The following ATP10B variants were observed in gnomAD, a reference collection of about 807,000 sequenced individuals.
ATP10B encodes ATPase phospholipid transporting 10B (putative).
A neutral mutation model predicts 141.2 loss-of-function variants in ATP10B; 122 were observed. The observed-to-expected ratio is 0.86, with a 90% confidence interval of 0.75 to 1.00. The LOEUF is 1.00. Ranked by LOEUF, ATP10B falls within the 50% of genes least tolerant of loss-of-function variation. The pLI is 0.00. For synonymous variants in ATP10B, 685 were observed against 692.0 expected, an observed-to-expected ratio of 0.99 and a Z score of 0.16; for missense variants, 1,876 against 1,825.3, an observed-to-expected ratio of 1.03 and a Z score of -0.51.
chr5:160,630,960 A>G (rs1262048024), intron 13 of ATP10B, among the ~76,000 whole-genome samples: 1 of 152,224 alleles, frequency 6.6e-6, no homozygotes, highest in African/African-American at 2.4e-5. Context: ...AAGTAGCAAT[A>G]TGGAAAATGT....
chr5:160,602,592 G>A lies in ATP10B; in HGVS notation c.3348C>T (p.Tyr1116=), dbSNP rs373796741. Residue 1116 remains tyrosine, a synonymous_variant, in exon 21 of 26, where the codon TAC becomes TAT. Transcript: ENST00000327245. The part of the protein sequence containing the change: ...YSRLARMVVY[Y]LYKNVCYVNL... The stretch of plus-strand genomic sequence containing the variant: ...GGCTACTTACCACGTTCTTGTAGAG[G>A]TAGTACACCACCATCCTGGCCAGGC... 12 of 1,613,970 alleles carry A rather than the reference G, an allele frequency of 7.4e-6. No individual in the cohort carries two copies. The African/African-American group carries it at 1.6e-4, about 22-fold the overall frequency.
chr5:160,725,569 G>T (rs915553215), intron 2 of ATP10B, among the ~76,000 whole-genome samples: 2 of 151,668 alleles, frequency 1.3e-5, no homozygotes, highest in African/African-American at 4.8e-5. Context: ...CCTCAGCCTC[G>T]CAAGTAGCTG....
At chr5:160,650,210 A>G (rs1333122869) in intron 7 of ATP10B, among the ~76,000 whole-genome samples, 1 of 151,782 alleles carries the variant, frequency 6.6e-6, no homozygotes, top group African/African-American at 2.4e-5. Flanking sequence ...ACATACACAC[A>G]TATGTACATA....
chr5:160,584,226 A>G (rs1052440531), intron 24 of ATP10B, among the ~76,000 whole-genome samples: 1 of 152,166 alleles, frequency 6.6e-6, no homozygotes, highest in Admixed American at 6.5e-5. Flanking sequence ...AAAGTGTAGT[A>G]TCTGGGCCAG....
At chr5:160,609,314 A>G (rs1757578219) in intron 18 of ATP10B, among the ~76,000 whole-genome samples, 1 of 152,180 alleles carries the variant, frequency 6.6e-6, no homozygotes, top group East Asian at 1.9e-4. Context: ...CTGAAGGGCC[A>G]GGGTTGGGGA....
chr5:160,622,322 C>T (rs1581214971), intron 14 of ATP10B, 72 bp downstream of exon 14: 2 of 1,450,568 alleles, frequency 1.4e-6, no homozygotes, highest in East Asian at 5.0e-5. Context: ...AGAACTTCTC[C>T]CCTCGCCCCT....
At chr5:160,674,555 T>G (rs1299669405) in intron 6 of ATP10B, among the ~76,000 whole-genome samples, 3 of 152,182 alleles carry the variant, frequency 2.0e-5, no homozygotes, top group Non-Finnish European at 1.5e-5. Flanking sequence ...TGCCTGTCTT[T>G]TCTTTAGACA....
intron 22 of ATP10B, among the ~76,000 whole-genome samples, chr5:160,596,188 T>G (rs1010194251): frequency 4.6e-5 from 7 of 152,170 alleles, no homozygotes; most frequent in African/African-American, 1.7e-4. Flanking sequence ...AAAAAACTTA[T>G]CCACCATGAT....
chr5:160,778,276 G>A (rs1231343907), intron 2 of ATP10B, among the ~76,000 whole-genome samples: 1 of 152,166 alleles, frequency 6.6e-6, no homozygotes, highest in African/African-American at 2.4e-5. Flanking sequence ...CAATCCCAGT[G>A]AGGTGGCAGC....
chr5:160,635,744 G>T (rs921913391), intron 11 of ATP10B, among the ~76,000 whole-genome samples: 1 of 152,108 alleles, frequency 6.6e-6, no homozygotes, highest in African/African-American at 2.4e-5. Flanking sequence ...GGCCAGTTCT[G>T]TTCTTTTCCT....
intron 13 of ATP10B, among the ~76,000 whole-genome samples, chr5:160,629,003 G>A (rs961862295): frequency 2.0e-5 from 3 of 151,952 alleles, no homozygotes; most frequent in African/African-American, 7.3e-5. Context: ...TTGATTTAGA[G>A]CAAAGGGCCA....
intron 3 of ATP10B, among the ~76,000 whole-genome samples, chr5:160,708,329 A>G (rs1354833427): frequency 6.6e-6 from 1 of 152,168 alleles, no homozygotes; most frequent in East Asian, 1.9e-4. Context: ...GCCCCCTTCC[A>G]ATCTCTAATA....
intron 24 of ATP10B, among the ~76,000 whole-genome samples, chr5:160,581,717 T>A (rs578205532): frequency 6.6e-6 from 1 of 152,188 alleles, no homozygotes; most frequent in East Asian, 1.9e-4. Flanking sequence ...TAATATTCTG[T>A]CTTGTTGATC....
intron 18 of ATP10B, among the ~76,000 whole-genome samples, chr5:160,610,420 A>G (rs1314906458): frequency 6.6e-6 from 1 of 152,160 alleles, no homozygotes; most frequent in Non-Finnish European, 1.5e-5. Context: ...CACAGCCCTG[A>G]CCAACAGCTT....
intron 2 of ATP10B, among the ~76,000 whole-genome samples, chr5:160,759,516 T>C (rs1245243470): frequency 6.6e-6 from 1 of 152,230 alleles, no homozygotes; most frequent in African/African-American, 2.4e-5. Context: ...TTTTTAAGAT[T>C]GTTATTTCTC....
At chr5:160,794,860 C>A (rs1449530800) in intron 1 of ATP10B, among the ~76,000 whole-genome samples, 1 of 152,130 alleles carries the variant, frequency 6.6e-6, no homozygotes, top group African/African-American at 2.4e-5. Context: ...TCATTAATAG[C>A]AATTTCCAAA....
chr5:160,883,743 G>A, the ATP10B span, among the ~76,000 whole-genome samples: 3 of 151,786 alleles, frequency 2.0e-5, no homozygotes, highest in Admixed American at 6.6e-5. Flanking sequence ...CAAAACACAC[G>A]CAAAAAGAAA....
At chr5:160,884,152 C>T in the ATP10B span, among the ~76,000 whole-genome samples, 1 of 152,192 alleles carries the variant, frequency 6.6e-6, no homozygotes, top group African/African-American at 2.4e-5. Context: ...TTACCCTCCT[C>T]ACACAGACAC....
chr5:160,869,109 T>C, the ATP10B span, among the ~76,000 whole-genome samples: 1 of 152,184 alleles, frequency 6.6e-6, no homozygotes, highest in Non-Finnish European at 1.5e-5. Flanking sequence ...CTACTTTACA[T>C]AGTTATTATA....
Sources: gnomAD v4.1 joint callset for allele counts (sites outside exome capture counted in the v4.1 genomes callset) on GRCh38, gnomAD v4.1.1 for gene constraint, MANE v1.5 for transcripts, NCBI Gene and HGNC (gene_info 2026-07-23, HGNC 2026-07-21) for gene names.